The following AXDND1 variants were observed in gnomAD, a reference collection of about 807,000 sequenced individuals.
The protein encoded by AXDND1 is axonemal dynein light chain domain containing 1.
Under a neutral mutation model 137.5 loss-of-function variants are expected in AXDND1, and 110 were observed. The ratio of observed to expected loss-of-function variants is 0.80; its 90% CI spans 0.69 to 0.94. AXDND1 has a LOEUF of 0.94. AXDND1 is among the 40% of genes least tolerant of loss of function. The pLI, the probability that AXDND1 is intolerant of heterozygous loss-of-function variation, is 0.00. For synonymous variants in AXDND1, 414 were observed against 399.7 expected, an observed-to-expected ratio of 1.04 and a Z score of -0.43; for missense variants, 1,191 against 1,169.8, an observed-to-expected ratio of 1.02 and a Z score of -0.26.
chr1:179,533,571 C>T (rs1671225138), intron 23 of AXDND1, among the ~76,000 whole-genome samples: 1 of 149,120 alleles, frequency 6.7e-6, no homozygotes, highest in Non-Finnish European at 1.5e-5. Flanking sequence ...AATTCTTATT[C>T]ACCTGAAGCA....
chr1:179,515,572 G>T (rs751711408), intron 21 of AXDND1, among the ~76,000 whole-genome samples: 1 of 152,104 alleles, frequency 6.6e-6, no homozygotes, highest in African/African-American at 2.4e-5. Context: ...TTTTTGCGAT[G>T]AATTTCCCAG....
intron 4 of AXDND1, among the ~76,000 whole-genome samples, chr1:179,370,479 C>T (rs887065798): frequency 6.6e-6 from 1 of 152,214 alleles, no homozygotes; most frequent in Non-Finnish European, 1.5e-5. Flanking sequence ...AACATAGCTT[C>T]ATGATGTGGA....
At chr1:179,414,560 G>C (rs544138020) in intron 12 of AXDND1, among the ~76,000 whole-genome samples, 2 of 152,064 alleles carry the variant, frequency 1.3e-5, no homozygotes, top group African/African-American at 4.8e-5. Context: ...TGTGTAGCTG[G>C]GACTACAGGC....
At chr1:179,378,308 A>G (rs939262497) in intron 4 of AXDND1, among the ~76,000 whole-genome samples, 1 of 152,170 alleles carries the variant, frequency 6.6e-6, no homozygotes, top group Non-Finnish European at 1.5e-5. Flanking sequence ...GGACTGATGG[A>G]ATGAGACTCC....
At chr1:179,509,238 A>G in intron 20 of AXDND1, 58 bp from the exon 21 acceptor site, 2 of 1,041,546 alleles carry the variant, frequency 1.9e-6, no homozygotes, top group South Asian at 1.4e-5. Context: ...GTTCCTCAAT[A>G]GCGGTGAGTG....
intron 21 of AXDND1, among the ~76,000 whole-genome samples, chr1:179,511,338 T>TAC (rs60921083): frequency 0.31 from 46,074 of 150,100 alleles, 7,633 homozygotes; most frequent in Middle Eastern, 0.42. Flanking sequence ...TATATATATA[T>TAC]ACACACACTA....
At chr1:179,443,893 G>T (rs1474212811) in intron 15 of AXDND1, among the ~76,000 whole-genome samples, 1 of 152,076 alleles carries the variant, frequency 6.6e-6, no homozygotes, top group Admixed American at 6.6e-5. Context: ...AAATATAAGT[G>T]ACATTGAAAT....
chr1:179,410,384 C>A (rs1250283394), intron 11 of AXDND1, among the ~76,000 whole-genome samples: 1 of 152,170 alleles, frequency 6.6e-6, no homozygotes, highest in African/African-American at 2.4e-5. Flanking sequence ...GCACACGCCA[C>A]CACACCTGGC....
At chr1:179,466,285 C>T (rs6694739) in intron 16 of AXDND1, among the ~76,000 whole-genome samples, 54,440 of 87,054 alleles carry the variant, frequency 0.63, 14,473 homozygotes, top group East Asian at 0.78. Context: ...TCTTCTTCTT[C>T]TTTTTTTTTT....
intron 25 of AXDND1, among the ~76,000 whole-genome samples, chr1:179,541,408 G>T (rs1357480014): frequency 5.9e-5 from 9 of 151,974 alleles, no homozygotes; most frequent in Non-Finnish European, 1.2e-4. Context: ...CCCGTCTTCT[G>T]CATTGATCTT....
At chr1:179,540,821 G>C (rs1672062399) in intron 25 of AXDND1, among the ~76,000 whole-genome samples, 1 of 152,218 alleles carries the variant, frequency 6.6e-6, no homozygotes, top group African/African-American at 2.4e-5. Flanking sequence ...GTCCCAGGGA[G>C]ATGAGGCTTT....
intron 21 of AXDND1, among the ~76,000 whole-genome samples, chr1:179,518,633 T>C (rs1457797048): frequency 6.6e-6 from 1 of 152,116 alleles, no homozygotes; most frequent in African/African-American, 2.4e-5. Flanking sequence ...ACAGGGAAAA[T>C]GTAGTATTTG....
chr1:179,511,023 C>A (rs1668990696), intron 21 of AXDND1, among the ~76,000 whole-genome samples: 1 of 151,512 alleles, frequency 6.6e-6, no homozygotes, highest in Non-Finnish European at 1.5e-5. Context: ...TGAGCTACTT[C>A]ACTTACAATA....
chr1:179,385,270 A>G lies in AXDND1; in HGVS notation c.774A>G (p.Glu258=), dbSNP rs771514964. 9.7e-5 allele frequency: 157 copies of G among 1,611,542 alleles called. No homozygotes were observed. Among genetic ancestry groups the G allele is most frequent in the Non-Finnish European group, 1.3e-4 (150 of 1,177,768 alleles). Residue 258 remains glutamate, a synonymous_variant, in exon 9 of 26, where the codon GAA becomes GAG. Coordinates refer to ENST00000367618, the MANE Select transcript of AXDND1 (RefSeq NM_144696.6). ...AACTACTACATATATTGAAGAAGGAACAGACCATTTACAACATGATATTTC... is the reference window on the plus strand; with the variant it reads ...AACTACTACATATATTGAAGAAGGAGCAGACCATTTACAACATGATATTTC... ...MHKLLHILKK[E]QTIYNMIFHE...
rs151090012 is a variant in AXDND1 at position 179,400,904 on chromosome 1, CAAAAAAAAAAAAAAA to C, written c.1109+5711_1109+5725del. 7.5e-5 allele frequency among the ~76,000 whole-genome samples: 4 copies of C among 53,682 alleles called. No homozygotes were observed. In the South Asian group the frequency reaches 4.3e-3, roughly 58 times the overall value. The allele number at this position is 53,682 out of a possible 152,430, so 35.2% of individuals were successfully genotyped here. Reference sequence around the variant, plus strand: ...TGGGCAACAGAGCGAGACTCTGTCTCAAAAAAAAAAAAAAAAAAAAAAAGAAAAAAAAAAGGACAC... The same window carrying C: ...TGGGCAACAGAGCGAGACTCTGTCTCAAAAAAAAGAAAAAAAAAAGGACAC... On this transcript the variant is annotated intron_variant, in intron 11 of 25. Transcript: ENST00000367618.
chr1:179,551,556 G>T, intron 25 of AXDND1: 1 of 1,323,596 alleles, frequency 7.6e-7, no homozygotes, highest in Non-Finnish European at 1.1e-6. Flanking sequence ...CTACTATGTG[G>T]CAAGCACGGT....
intron 25 of AXDND1, among the ~76,000 whole-genome samples, chr1:179,542,732 C>A (rs1053356807): frequency 1.3e-5 from 2 of 152,258 alleles, no homozygotes; most frequent in African/African-American, 4.8e-5. Context: ...CTTGAGGATT[C>A]GGTTAAATCC....
intron 4 of AXDND1, among the ~76,000 whole-genome samples, chr1:179,377,092 C>T (rs765262828): frequency 9.2e-5 from 14 of 152,128 alleles, no homozygotes; most frequent in East Asian, 1.9e-4. Context: ...CCACCACGCC[C>T]GGCTAATTTT....
chr1:179,488,636 TTTCTTTCTTTCTTTCTTTCTTTCTTTC>T (rs1666408429), intron 18 of AXDND1, among the ~76,000 whole-genome samples: 3 of 45,612 alleles, frequency 6.6e-5, no homozygotes, highest in South Asian at 7.4e-4. Flanking sequence ...CTCTCTCTCC[TTTCTTTCTTTCTTTCTTTCTTTCTTTC>T]TTTCTTTCTT....
Sources: gnomAD v4.1 joint callset for allele counts (sites outside exome capture counted in the v4.1 genomes callset) on GRCh38, gnomAD v4.1.1 for gene constraint, MANE v1.5 for transcripts, NCBI Gene and HGNC (gene_info 2026-07-23, HGNC 2026-07-21) for gene names.